The following AFG2A variants were observed in gnomAD, a reference collection of about 807,000 sequenced individuals.
AFG2A encodes ATPase family gene 2 protein homolog A.
chr4:123,118,329 A>AATTATATT, the AFG2A span, among the ~76,000 whole-genome samples: 2 of 64,180 alleles, frequency 3.1e-5, no homozygotes, highest in Non-Finnish European at 7.5e-5. Context: ...TATTATATAT[A>AATTATATT]ATATATATAT....
the AFG2A span, among the ~76,000 whole-genome samples, chr4:123,116,922 T>C: frequency 1.6e-4 from 24 of 152,304 alleles, no homozygotes; most frequent in South Asian, 6.2e-4. Context: ...TTGTACAGAA[T>C]TATTTCTATA....
the AFG2A span, among the ~76,000 whole-genome samples, chr4:122,942,809 T>C: frequency 6.6e-6 from 1 of 151,274 alleles, no homozygotes; most frequent in African/African-American, 2.4e-5. Flanking sequence ...GCTTTGAATG[T>C]GTCCCAGAGA....
chr4:123,212,460 A>G, the AFG2A span, among the ~76,000 whole-genome samples: 19 of 152,112 alleles, frequency 1.2e-4, no homozygotes, highest in African/African-American at 4.3e-4. Flanking sequence ...TGTTTAAGCT[A>G]CCCTCAAAAG....
chr4:123,156,892 G>A, the AFG2A span, among the ~76,000 whole-genome samples: 1 of 151,980 alleles, frequency 6.6e-6, no homozygotes, highest in Non-Finnish European at 1.5e-5. Flanking sequence ...GGACTCATAT[G>A]GAAGGTGAAC....
the AFG2A span, among the ~76,000 whole-genome samples, chr4:123,107,558 G>C: frequency 6.6e-6 from 1 of 152,194 alleles, no homozygotes; most frequent in Non-Finnish European, 1.5e-5. Flanking sequence ...TCTCCACATG[G>C]AACTGGCAGC....
At chr4:123,078,955 A>G in the AFG2A span, among the ~76,000 whole-genome samples, 459 of 152,318 alleles carry the variant, frequency 3.0e-3, no homozygotes, top group Non-Finnish European at 5.1e-3. Flanking sequence ...TGAAGTGTCC[A>G]GTGCCCTCCT....
chr4:123,015,853 CG>C, the AFG2A span, among the ~76,000 whole-genome samples: 1 of 10,126 alleles, frequency 9.9e-5, no homozygotes, highest in Non-Finnish European at 4.2e-4. Context: ...GCTGGCCGGG[CG>C]GGGGGCTGAC....
chr4:123,302,825 G>A, the AFG2A span, among the ~76,000 whole-genome samples: 16 of 152,314 alleles, frequency 1.1e-4, no homozygotes, highest in East Asian at 1.9e-3. Context: ...AGGTAGTGAG[G>A]TCACCTCTAG....
the AFG2A span, among the ~76,000 whole-genome samples, chr4:122,985,739 T>G: frequency 6.6e-6 from 1 of 150,698 alleles, no homozygotes; most frequent in African/African-American, 2.4e-5. Context: ...TTTGTTTCAT[T>G]TATCTTTTGT....
At chr4:123,223,666 A>G in the AFG2A span, among the ~76,000 whole-genome samples, 1 of 152,116 alleles carries the variant, frequency 6.6e-6, no homozygotes. Context: ...ATTCTCCCCC[A>G]TGGTCCAATC....
chr4:122,951,735 G>A, the AFG2A span, among the ~76,000 whole-genome samples: 1 of 152,180 alleles, frequency 6.6e-6, no homozygotes, highest in Non-Finnish European at 1.5e-5. Context: ...TCCAGATCCT[G>A]TCAGTGGATG....
At chr4:123,249,699 A>G in the AFG2A span, among the ~76,000 whole-genome samples, 2 of 152,190 alleles carry the variant, frequency 1.3e-5, no homozygotes, top group African/African-American at 4.8e-5. Flanking sequence ...GTTGAATAAA[A>G]TGAATATGAT....
At chr4:123,076,560 TG>T in the AFG2A span, among the ~76,000 whole-genome samples, 7 of 151,854 alleles carry the variant, frequency 4.6e-5, no homozygotes, top group East Asian at 1.9e-4. Context: ...TATTTTTATT[TG>T]TTTTTTTTAG....
the AFG2A span, among the ~76,000 whole-genome samples, chr4:123,076,534 A>T: frequency 0.11 from 16,386 of 150,928 alleles, 989 homozygotes; most frequent in Middle Eastern, 0.21. Flanking sequence ...ATGTACATTT[A>T]GATTGCCTTT....
At chr4:122,929,330 A>G in the AFG2A span, 1 of 949,766 alleles carries the variant, frequency 1.1e-6, no homozygotes, top group Non-Finnish European at 1.5e-6. Flanking sequence ...AACAGGTACA[A>G]TGAATTACAA....
At chr4:123,021,728 T>A in the AFG2A span, among the ~76,000 whole-genome samples, 40 of 152,326 alleles carry the variant, frequency 2.6e-4, no homozygotes, top group South Asian at 6.6e-3. Context: ...TAAATGCCAG[T>A]AGTACAAAGT....
chr4:123,007,666 C>CACACACACATAT, the AFG2A span, among the ~76,000 whole-genome samples: 34 of 126,298 alleles, frequency 2.7e-4, no homozygotes, highest in African/African-American at 9.3e-4. Context: ...CACACACACA[C>CACACACACATAT]ATATATGGAC....
chr4:123,056,468 C>T, the AFG2A span: 2 of 1,602,778 alleles, frequency 1.2e-6, no homozygotes, highest in South Asian at 1.1e-5. Context: ...TAGTGGCACT[C>T]AGCACAGGAG....
the AFG2A span, among the ~76,000 whole-genome samples, chr4:123,201,386 C>T: frequency 3.9e-5 from 6 of 152,070 alleles, no homozygotes; most frequent in African/African-American, 1.2e-4. Flanking sequence ...TTCAGAACAT[C>T]GACAAAAACA....
Sources: gnomAD v4.1 joint callset for allele counts (sites outside exome capture counted in the v4.1 genomes callset) on GRCh38, gnomAD v4.1.1 for gene constraint, MANE v1.5 for transcripts, NCBI Gene and HGNC (gene_info 2026-07-23, HGNC 2026-07-21) for gene names.